The following PEAK1 variants were observed in gnomAD, a reference collection of about 807,000 sequenced individuals.
The protein encoded by PEAK1 is inactive tyrosine-protein kinase PEAK1.
A neutral mutation model predicts 124.7 loss-of-function variants in PEAK1; 54 were observed. That is an observed-to-expected ratio of 0.43 (90% CI 0.35 to 0.54). The LOEUF is 0.54. Ranked by LOEUF, PEAK1 falls within the 20% of genes least tolerant of loss-of-function variation. PEAK1 has a pLI of 0.01. For missense variants in PEAK1, 2,046 were observed against 2,134.5 expected (o/e 0.96, Z 0.82); for synonymous variants, 719 against 760.0 (o/e 0.95, Z 0.89).
At chr15:77,313,684 G>GTATA (rs1567244775) in intron 2 of PEAK1, among the ~76,000 whole-genome samples, 1 of 119,724 alleles carries the variant, frequency 8.4e-6, no homozygotes, top group African/African-American at 3.9e-5. Context: ...GTGTGTGTGT[G>GTATA]TGTGTGTGTA....
At chr15:77,153,526 G>A (rs2054847706) in intron 8 of PEAK1, among the ~76,000 whole-genome samples, 1 of 152,088 alleles carries the variant, frequency 6.6e-6, no homozygotes, top group Non-Finnish European at 1.5e-5. Context: ...CCTTCTGCTA[G>A]CTTTTGAATG....
At chr15:77,196,662 T>C (rs2058118375) in intron 6 of PEAK1, among the ~76,000 whole-genome samples, 2 of 152,260 alleles carry the variant, frequency 1.3e-5, no homozygotes, top group South Asian at 2.1e-4. Context: ...CAAATGTTAG[T>C]GTTTTCCCCC....
intron 5 of PEAK1, among the ~76,000 whole-genome samples, chr15:77,267,813 C>A (rs911698799): frequency 1.3e-5 from 2 of 152,028 alleles, no homozygotes; most frequent in Non-Finnish European, 2.9e-5. Context: ...TTCTTTAACA[C>A]CCCCAAAAAA....
intron 5 of PEAK1, among the ~76,000 whole-genome samples, chr15:77,262,752 C>A (rs1466783632): frequency 6.6e-6 from 1 of 151,896 alleles, no homozygotes; most frequent in African/African-American, 2.4e-5. Context: ...ACCAAGCAGA[C>A]CTAATAGACA....
chr15:77,182,163 GCTAAA>G, intron 6 of PEAK1, 123 bp from the exon 7 acceptor site: 4 of 868,282 alleles, frequency 4.6e-6, no homozygotes, highest in Non-Finnish European at 6.1e-6. Context: ...AAGACTGAGA[GCTAAA>G]CTAATTTGTG....
chr15:77,407,918 T>TATATACAC (rs2071980428), intron 1 of PEAK1, among the ~76,000 whole-genome samples: 2 of 149,894 alleles, frequency 1.3e-5, no homozygotes, highest in Admixed American at 1.3e-4. Context: ...TATATACACA[T>TATATACAC]ATATACATAT....
chr15:77,407,950 T>C (rs1044886445), intron 1 of PEAK1, among the ~76,000 whole-genome samples: 3 of 81,860 alleles, frequency 3.7e-5, no homozygotes, highest in African/African-American at 6.1e-5. Context: ...TATACACATA[T>C]ACACACATAT....
chr15:77,317,121 A>C (rs2064928612), intron 2 of PEAK1, among the ~76,000 whole-genome samples: 1 of 152,098 alleles, frequency 6.6e-6, no homozygotes, highest in Non-Finnish European at 1.5e-5. Context: ...TACGCACAGC[A>C]AATTCTCATT....
At chr15:77,200,101 T>A (rs1481020378) in intron 6 of PEAK1, among the ~76,000 whole-genome samples, 1 of 152,218 alleles carries the variant, frequency 6.6e-6, no homozygotes, top group African/African-American at 2.4e-5. Context: ...TCTGCCTCTG[T>A]CACCCTTGAG....
chr15:77,265,475 C>T (rs2061672738), intron 5 of PEAK1, among the ~76,000 whole-genome samples: 1 of 152,188 alleles, frequency 6.6e-6, no homozygotes, highest in Non-Finnish European at 1.5e-5. Flanking sequence ...CAAAAGAAGA[C>T]ATTTATGCAG....
Position 77,114,729 on chromosome 15 carries a change from G to A in PEAK1, c.4668C>T (p.Phe1556=), listed in dbSNP as rs2051200909. The change falls in exon 10 of 10, where the codon TTC becomes TTT. Residue 1556 remains phenylalanine, a synonymous_variant. Coordinates refer to ENST00000682557, the MANE Select transcript of PEAK1 (RefSeq NM_001385026.1). The stretch of plus-strand genomic sequence containing the variant: ...GATGGCTCTTCTGCTTGGCCTGAGA[G>A]AAGTTGCTCACTATAAGCCTAGTGG... ...SYPTRLIVSN[F]SQAKQKSHLV... 1 of 1,613,410 alleles carries A rather than the reference G, an allele frequency of 6.2e-7. No individual in the cohort carries two copies.
intron 2 of PEAK1, among the ~76,000 whole-genome samples, chr15:77,359,653 T>A (rs1328970503): frequency 6.6e-6 from 1 of 152,066 alleles, no homozygotes; most frequent in Non-Finnish European, 1.5e-5. Flanking sequence ...TAGCAATGAA[T>A]AATCCAAAAA....
chr15:77,355,711 C>T, intron 2 of PEAK1: 10 of 961,280 alleles, frequency 1.0e-5, no homozygotes, highest in Non-Finnish European at 1.2e-5. Context: ...TGAACTCATC[C>T]ATTTTGGGGG....
intron 2 of PEAK1, among the ~76,000 whole-genome samples, chr15:77,308,481 C>G (rs1258250186): frequency 1.3e-5 from 2 of 152,182 alleles, no homozygotes; most frequent in East Asian, 3.9e-4. Flanking sequence ...TAAGTCCCTT[C>G]TGATCACATT....
intron 6 of PEAK1, among the ~76,000 whole-genome samples, chr15:77,189,529 C>T (rs796529363): frequency 6.6e-6 from 1 of 152,204 alleles, no homozygotes; most frequent in African/African-American, 2.4e-5. Flanking sequence ...CCACACCTTC[C>T]CCTCCTCAGC....
intron 3 of PEAK1, among the ~76,000 whole-genome samples, chr15:77,285,389 T>A (rs1402303376): frequency 6.6e-6 from 1 of 152,172 alleles, no homozygotes; most frequent in Admixed American, 6.5e-5. Flanking sequence ...CATCAGAAAG[T>A]AAATGAAATA....
intron 2 of PEAK1, among the ~76,000 whole-genome samples, chr15:77,320,707 C>G (rs552432710): frequency 6.6e-6 from 1 of 152,024 alleles, no homozygotes; most frequent in African/African-American, 2.4e-5. Flanking sequence ...ATGGGCACAA[C>G]GTGCAGGTTA....
intron 6 of PEAK1, among the ~76,000 whole-genome samples, chr15:77,208,786 A>T (rs1430441164): frequency 6.6e-6 from 1 of 152,238 alleles, no homozygotes; most frequent in Non-Finnish European, 1.5e-5. Context: ...TTGGTAAGAC[A>T]GAAATACTTA....
chr15:77,138,085 T>C (rs2053482787), intron 8 of PEAK1, among the ~76,000 whole-genome samples: 1 of 152,202 alleles, frequency 6.6e-6, no homozygotes, highest in African/African-American at 2.4e-5. Flanking sequence ...TCCACCATGA[T>C]TGTGAGGCCT....
Sources: gnomAD v4.1 joint callset for allele counts (sites outside exome capture counted in the v4.1 genomes callset) on GRCh38, gnomAD v4.1.1 for gene constraint, MANE v1.5 for transcripts, NCBI Gene and HGNC (gene_info 2026-07-23, HGNC 2026-07-21) for gene names.